The following WDR26 variants were observed in gnomAD, a reference collection of about 807,000 sequenced individuals.
The protein encoded by WDR26 is WD repeat-containing protein 26.
WDR26 carries 5 observed loss-of-function variants against 84.1 expected under a neutral mutation model. That is an observed-to-expected ratio of 0.06 (90% CI 0.03 to 0.13). The LOEUF (loss-of-function observed/expected upper bound fraction) is 0.13, where lower values mean the gene tolerates loss of function less well. Ranked by LOEUF, WDR26 falls within the 10% of genes least tolerant of loss-of-function variation. The pLI is 1.00. For synonymous variants in WDR26, 415 were observed against 389.6 expected (o/e 1.07, Z -0.77); for missense variants, 642 against 974.9 (o/e 0.66, Z 4.55).
intron 1 of WDR26, 55 bp downstream of exon 1, chr1:224,433,629 T>G: frequency 1.1e-6 from 1 of 887,172 alleles, no homozygotes; most frequent in Non-Finnish European, 1.4e-6. Flanking sequence ...CCTACCCCCC[T>G]GGAGCCTCCG....
Position 224,427,246 on chromosome 1 carries a change from C to T in WDR26, c.928-2592G>A, listed in dbSNP as rs74458822. 4.4e-4 allele frequency among the ~76,000 whole-genome samples: 66 copies of T among 151,250 alleles called. 1 individual carries two copies. In the East Asian group the frequency reaches 0.012, roughly 28 times the overall value. On this transcript the variant is annotated intron_variant, in intron 3 of 13. Coordinates refer to ENST00000414423, the MANE Select transcript of WDR26 (RefSeq NM_001379403.1). ...CAGAGCATGAGATGTAATTTCTTCA[C>T]TAAATTTTCTTAGTAATTGGGAATT...
At chr1:224,403,339 C>T (rs573613827) in intron 8 of WDR26, among the ~76,000 whole-genome samples, 13 of 152,258 alleles carry the variant, frequency 8.5e-5, no homozygotes, top group African/African-American at 2.4e-4. Context: ...CGTGAGCCAC[C>T]GCGCCCGGCC....
At chr1:224,412,266 A>T (rs1673760302) in intron 6 of WDR26, among the ~76,000 whole-genome samples, 1 of 152,230 alleles carries the variant, frequency 6.6e-6, no homozygotes, top group Non-Finnish European at 1.5e-5. Flanking sequence ...GAAGTGCAAT[A>T]TATGGCAAGG....
In WDR26 at chr1:224,431,589, A is replaced by C. The variant is rs1324962179; in HGVS notation, c.823-8T>G. ...ATTCAGGTCATTTTCTGCCTGTAAAAATTGGTATAAAAGAAAAACAGAAAT... is the reference window on the plus strand; with the variant it reads ...ATTCAGGTCATTTTCTGCCTGTAAACATTGGTATAAAAGAAAAACAGAAAT... On this transcript the variant is annotated splice_region_variant and splice_polypyrimidine_tract_variant and intron_variant, in intron 2 of 13. Transcript: ENST00000414423. 3 of 1,612,660 alleles carry C rather than the reference A, an allele frequency of 1.9e-6. No individual in the cohort carries two copies. Among genetic ancestry groups the C allele is most frequent in the Admixed American group, 3.3e-5 (2 of 59,830 alleles).
chr1:224,407,992 G>T (rs1673629695), intron 7 of WDR26, among the ~76,000 whole-genome samples: 1 of 152,142 alleles, frequency 6.6e-6, no homozygotes, highest in South Asian at 2.1e-4. Flanking sequence ...CATTTCCCAA[G>T]CTAATCTGGC....
intron 13 of WDR26, among the ~76,000 whole-genome samples, chr1:224,391,375 A>AC (rs1558412282): frequency 1.0e-3 from 32 of 31,534 alleles, no homozygotes; most frequent in African/African-American, 1.9e-3. Flanking sequence ...AAAAAAAAAA[A>AC]AAAAAAAACA....
In WDR26 at chr1:224,431,786, A is replaced by G. The variant is rs557874575; in HGVS notation, c.723-5T>C. 65 of 1,606,680 alleles carry G rather than the reference A, an allele frequency of 4.0e-5. No individual in the cohort carries two copies. In the South Asian group the frequency reaches 6.7e-4, roughly 17 times the overall value. ...ATGAGGAGATCAACAGTCTGGCTGC[A>G]GGAAAGATACAGTGTAAAACAGACC... On this transcript the variant is annotated splice_polypyrimidine_tract_variant and splice_region_variant and intron_variant, in intron 1 of 13. Coordinates refer to ENST00000414423, the MANE Select transcript of WDR26 (RefSeq NM_001379403.1).
chr1:224,399,104 G>C (rs1328404891), intron 9 of WDR26, 70 bp from the exon 10 acceptor site: 7 of 1,346,382 alleles, frequency 5.2e-6, no homozygotes, highest in African/African-American at 3.1e-5. Flanking sequence ...AGAACCAAAA[G>C]ACTCCCTTCA....
chr1:224,393,147 C>T (rs1393868995), intron 13 of WDR26, among the ~76,000 whole-genome samples: 1 of 152,148 alleles, frequency 6.6e-6, no homozygotes, highest in Non-Finnish European at 1.5e-5. Context: ...GTGGAAAAAA[C>T]CTTTCAGACT....
Position 224,401,055 on chromosome 1 carries a change from C to T in WDR26, c.1614G>A (p.Arg538=). The T allele has an allele frequency of 6.2e-7, 1 of 1,613,720 alleles. No individual in the cohort carries two copies. Among genetic ancestry groups the T allele is most frequent in the Non-Finnish European group, 8.5e-7 (1 of 1,179,848 alleles). ...CTTCATGAGACTGGCTCATTTTTGT[C>T]CTTAGTTCTCCTGTCTATAAGGAAA... The change falls in exon 9 of 14, where the codon AGG becomes AGA. Residue 538 remains arginine, a synonymous_variant. Transcript: ENST00000414423.
At chr1:224,399,105 A>T in intron 9 of WDR26, 71 bp from the exon 10 acceptor site, 13 of 1,331,186 alleles carry the variant, frequency 9.8e-6, no homozygotes, top group South Asian at 8.1e-5. Context: ...GAACCAAAAG[A>T]CTCCCTTCAC....
In WDR26 at chr1:224,389,808, C is replaced by G; in HGVS notation, c.*27G>C. On this transcript the variant is annotated 3_prime_UTR_variant, in exon 14 of 14. Transcript: ENST00000414423. Reference sequence around the variant, plus strand: ...AAAATACGACTAATTTTAAGTTAAACAGAAGTCGTCTGCTCCAAATTCACC... The same window carrying G: ...AAAATACGACTAATTTTAAGTTAAAGAGAAGTCGTCTGCTCCAAATTCACC... The G allele has an allele frequency of 6.4e-7, 1 of 1,569,578 alleles. No homozygotes were observed. The highest frequency in any genetic ancestry group is 2.4e-5 in the East Asian group (1 of 41,962).
intron 7 of WDR26, 131 bp downstream of exon 7, chr1:224,411,296 T>C (rs778699208): frequency 3.2e-6 from 3 of 947,322 alleles, no homozygotes; most frequent in Non-Finnish European, 4.4e-6. Flanking sequence ...CACATGAAGA[T>C]GTAAAAATGA....
Position 224,400,980 on chromosome 1 carries a change from A to G in WDR26, c.1689T>C (p.Thr563=). 6.2e-7 allele frequency: 1 copy of G among 1,614,142 alleles called. No homozygotes were observed. The highest frequency in any genetic ancestry group is 8.5e-7 in the Non-Finnish European group (1 of 1,180,008). The stretch of plus-strand genomic sequence containing the variant: ...GATAGAACTGCCCACGCTGACCTCC[A>G]GTCACAAAGCGCTTCCCATCTGGAT... Residue 563 remains threonine, a synonymous_variant, in exon 9 of 14, where the codon ACT becomes ACC. Transcript: ENST00000414423.
chr1:224,408,367 T>C (rs1021602044), intron 7 of WDR26, among the ~76,000 whole-genome samples: 1 of 152,242 alleles, frequency 6.6e-6, no homozygotes, highest in African/African-American at 2.4e-5. Flanking sequence ...CGGTGTATTA[T>C]CATGTGCTTA....
At chr1:224,405,135 C>G (rs1673517692) in intron 7 of WDR26, among the ~76,000 whole-genome samples, 1 of 152,138 alleles carries the variant, frequency 6.6e-6, no homozygotes, top group Admixed American at 6.5e-5. Flanking sequence ...GTCTCTGTCT[C>G]TATAGATTTG....
Position 224,434,634 on chromosome 1 carries a change from C to T in WDR26, c.-229G>A. The T allele has an allele frequency of 4.8e-6, 3 of 621,652 alleles. No homozygotes were observed. The highest frequency in any genetic ancestry group is 6.0e-6 in the Non-Finnish European group (3 of 502,208). The allele number at this position is 621,652 out of a possible 1,614,324, so 38.5% of individuals were successfully genotyped here. ...CCGGGGGTCGCGCCGGGGGGCGCCG[C>T]GGGGCGGCTGCGGGGGCGCGGGGCC... On this transcript the variant is annotated 5_prime_UTR_variant, in exon 1 of 14. Coordinates refer to ENST00000414423, the MANE Select transcript of WDR26 (RefSeq NM_001379403.1).
rs1673187844 is a variant in WDR26, at chr1:224,393,814, T to C, written c.2260+14A>G. 2.0e-6 allele frequency: 3 copies of C among 1,511,966 alleles called. No individual in the cohort carries two copies. The highest frequency in any genetic ancestry group is 2.7e-6 in the Non-Finnish European group (3 of 1,109,932). The allele number at this position is 1,511,966 out of a possible 1,614,324, so 93.7% of individuals were successfully genotyped here. A position where few individuals can be genotyped will look rare whatever the true frequency, so the allele number is the denominator to read the frequency against. ...ATTTGGACAAAACATAGTAACATTA[T>C]ACAAAGGTATTACCTTCAATATTCT... On this transcript the variant is annotated intron_variant, in intron 13 of 13. Transcript: ENST00000414423.
chr1:224,418,919 G>C (rs576025362), intron 5 of WDR26, among the ~76,000 whole-genome samples: 1 of 152,152 alleles, frequency 6.6e-6, no homozygotes, highest in Non-Finnish European at 1.5e-5. Flanking sequence ...TGAATTCAGG[G>C]AGTAACTGGT....
Sources: gnomAD v4.1 joint callset for allele counts (sites outside exome capture counted in the v4.1 genomes callset) on GRCh38, gnomAD v4.1.1 for gene constraint, MANE v1.5 for transcripts, NCBI Gene and HGNC (gene_info 2026-07-23, HGNC 2026-07-21) for gene names.